Variants in TASP1 observed in about 807,000 individuals in gnomAD.
TASP1 encodes threonine aspartase 1.
TASP1 carries 16 observed loss-of-function variants against 56.6 expected under a neutral mutation model. The observed-to-expected ratio is 0.28, with a 90% CI of 0.19 to 0.43. The LOEUF (loss-of-function observed/expected upper bound fraction) is 0.43, where lower values mean the gene tolerates loss of function less well. Among genes scored for constraint, TASP1 ranks in the 20% least tolerant of loss-of-function variants. TASP1 has a pLI of 1.00. For missense variants in TASP1, 393 were observed against 511.6 expected (o/e 0.77, Z 2.24); for synonymous variants, 179 against 184.2 (o/e 0.97, Z 0.23).
intron 11 of TASP1, among the ~76,000 whole-genome samples, chr20:13,473,113 T>C (rs1330870325): frequency 1.3e-5 from 2 of 151,998 alleles, no homozygotes; most frequent in East Asian, 3.8e-4. Context: ...ATAGACTGGA[T>C]TAAGAAAATG....
At chr20:13,225,436 T>C in the TASP1 span, among the ~76,000 whole-genome samples, 1 of 152,228 alleles carries the variant, frequency 6.6e-6, no homozygotes, top group Non-Finnish European at 1.5e-5. Context: ...TATATGTATA[T>C]ATACACATAC....
intron 5 of TASP1, among the ~76,000 whole-genome samples, chr20:13,581,709 T>G (rs1200281215): frequency 6.6e-6 from 1 of 152,224 alleles, no homozygotes; most frequent in Non-Finnish European, 1.5e-5. Flanking sequence ...ATGACACTGA[T>G]GACGACAATG....
the TASP1 span, among the ~76,000 whole-genome samples, chr20:13,282,171 G>T: frequency 6.6e-6 from 1 of 152,038 alleles, no homozygotes; most frequent in South Asian, 2.1e-4. Flanking sequence ...CCGATGCCTA[G>T]ACTTCTCCCC....
the TASP1 span, among the ~76,000 whole-genome samples, chr20:13,152,081 T>A: frequency 1.3e-5 from 2 of 152,066 alleles, no homozygotes; most frequent in Non-Finnish European, 2.9e-5. Flanking sequence ...CTTACCTGGG[T>A]AGAGCATTAT....
Position 13,563,598 on chromosome 20 carries a change from G to A in TASP1, c.569-4484C>T, listed in dbSNP as rs530897611. On this transcript the variant is annotated intron_variant, in intron 7 of 13. Coordinates refer to ENST00000337743, the MANE Select transcript of TASP1 (RefSeq NM_017714.3). ...TGCAATTTATTCCTAAGAAGCAAAG[G>A]TCGTTCAACATATGAAAATCAATGT... is the stretch of plus-strand genomic sequence containing the variant. 2.6e-5 allele frequency among the ~76,000 whole-genome samples: 4 copies of A among 151,412 alleles called. No homozygotes were observed. In the South Asian group the frequency reaches 8.3e-4, roughly 32 times the overall value.
the TASP1 span, among the ~76,000 whole-genome samples, chr20:13,322,069 G>T: frequency 1.3e-5 from 2 of 152,220 alleles, no homozygotes; most frequent in African/African-American, 4.8e-5. Context: ...TTGGCACAGA[G>T]TGTTCAATAA....
chr20:13,229,561 C>A, the TASP1 span, among the ~76,000 whole-genome samples: 1 of 152,134 alleles, frequency 6.6e-6, no homozygotes, highest in Admixed American at 6.5e-5. Context: ...ATTTGTATAT[C>A]CCCATCAATG....
the TASP1 span, among the ~76,000 whole-genome samples, chr20:13,278,551 T>C: frequency 6.6e-6 from 1 of 152,254 alleles, no homozygotes; most frequent in Non-Finnish European, 1.5e-5. Flanking sequence ...AGGGACAGCA[T>C]GGGCTCTAGA....
At chr20:13,153,831 G>C in the TASP1 span, among the ~76,000 whole-genome samples, 1 of 152,230 alleles carries the variant, frequency 6.6e-6, no homozygotes, top group East Asian at 1.9e-4. Context: ...GGTAGTACCT[G>C]GGCATCAGTG....
chr20:13,576,353 GA>G (rs1471138164), intron 6 of TASP1, among the ~76,000 whole-genome samples: 7 of 108,766 alleles, frequency 6.4e-5, no homozygotes, highest in South Asian at 2.9e-4. Flanking sequence ...AAGAAAGAAA[GA>G]AAGAAAGAAA....
intron 12 of TASP1, among the ~76,000 whole-genome samples, chr20:13,420,159 G>C (rs770300265): frequency 9.9e-5 from 15 of 152,114 alleles, no homozygotes; most frequent in Non-Finnish European, 1.9e-4. Context: ...ATGACCATGA[G>C]AGCAAAGGAT....
chr20:13,436,144 C>A (rs993828341), intron 11 of TASP1, among the ~76,000 whole-genome samples: 4 of 152,000 alleles, frequency 2.6e-5, no homozygotes, highest in South Asian at 2.1e-4. Context: ...GTGGAGGATA[C>A]CCACAGGAAA....
intron 10 of TASP1, among the ~76,000 whole-genome samples, chr20:13,503,809 A>T (rs531670095): frequency 7.2e-5 from 11 of 152,230 alleles, no homozygotes; most frequent in African/African-American, 2.6e-4. Flanking sequence ...AAATACAATC[A>T]ATGAAATGAA....
chr20:13,137,908 T>C, the TASP1 span, among the ~76,000 whole-genome samples: 5 of 152,128 alleles, frequency 3.3e-5, no homozygotes, highest in African/African-American at 1.2e-4. Flanking sequence ...CCCCTGAGCT[T>C]TCTGCTACTC....
chr20:13,252,272 C>G, the TASP1 span, among the ~76,000 whole-genome samples: 1 of 152,200 alleles, frequency 6.6e-6, no homozygotes, highest in Admixed American at 6.5e-5. Context: ...GACCATTTGG[C>G]TTTGATGATG....
chr20:13,229,561 C>CA, the TASP1 span, among the ~76,000 whole-genome samples: 1 of 152,134 alleles, frequency 6.6e-6, no homozygotes, highest in African/African-American at 2.4e-5. Context: ...ATTTGTATAT[C>CA]CCCATCAATG....
chr20:13,201,132 G>A, the TASP1 span, among the ~76,000 whole-genome samples: 10 of 152,140 alleles, frequency 6.6e-5, no homozygotes, highest in Admixed American at 2.6e-4. Flanking sequence ...GTAAGGAAAC[G>A]GCACAATCCT....
At chr20:13,182,499 T>C in the TASP1 span, among the ~76,000 whole-genome samples, 1 of 152,274 alleles carries the variant, frequency 6.6e-6, no homozygotes, top group East Asian at 1.9e-4. Context: ...CTGTTTTTAC[T>C]CTTCTGTCAT....
the TASP1 span, among the ~76,000 whole-genome samples, chr20:13,255,311 G>A: frequency 2.6e-5 from 4 of 152,158 alleles, no homozygotes; most frequent in Admixed American, 1.3e-4. Context: ...CAAGTAATAA[G>A]GGACTTGAAG....
Sources: gnomAD v4.1 joint callset for allele counts (sites outside exome capture counted in the v4.1 genomes callset) on GRCh38, gnomAD v4.1.1 for gene constraint, MANE v1.5 for transcripts, NCBI Gene and HGNC (gene_info 2026-07-23, HGNC 2026-07-21) for gene names.